MDGA2: variants seen among roughly 807,000 people sequenced by gnomAD.
MDGA2 encodes the protein MAM domain containing glycosylphosphatidylinositol anchor 2.
MDGA2 carries 40 observed loss-of-function variants against 117.8 expected under a neutral mutation model. The ratio of observed to expected loss-of-function variants is 0.34; its 90% CI spans 0.26 to 0.44. MDGA2 has a LOEUF of 0.44. Among genes scored for constraint, MDGA2 ranks in the 20% least tolerant of loss-of-function variants. The pLI, the probability that MDGA2 is intolerant of heterozygous loss-of-function variation, is 1.00. For synonymous variants in MDGA2, 452 were observed against 439.0 expected (o/e 1.03, Z -0.37); for missense variants, 1,123 against 1,250.6 (o/e 0.90, Z 1.54).
At chr14:47,202,188 A>T (rs1448821478) in intron 3 of MDGA2, among the ~76,000 whole-genome samples, 2 of 152,146 alleles carry the variant, frequency 1.3e-5, no homozygotes, top group African/African-American at 4.8e-5. Flanking sequence ...AATGGGCTTA[A>T]CACTTTTGGG....
intron 1 of MDGA2, among the ~76,000 whole-genome samples, chr14:47,521,488 C>A (rs74048020): frequency 0.038 from 5,763 of 152,096 alleles, 366 homozygotes; most frequent in African/African-American, 0.13. Context: ...AGTAATTAGG[C>A]TCATTTTATG....
intron 1 of MDGA2, among the ~76,000 whole-genome samples, chr14:47,573,757 A>G (rs1896063636): frequency 6.6e-6 from 1 of 152,190 alleles, no homozygotes; most frequent in African/African-American, 2.4e-5. Flanking sequence ...CTAAAAGCAT[A>G]TGAAGAGCTG....
intron 1 of MDGA2, among the ~76,000 whole-genome samples, chr14:47,593,024 C>A (rs1594934105): frequency 6.8e-6 from 1 of 147,200 alleles, no homozygotes; most frequent in Admixed American, 6.7e-5. Context: ...CTACAAGGAA[C>A]TCAAACAAAT....
rs1253745845 is a variant in MDGA2, at chr14:47,588,525, A to G, written c.280+85992T>C. ...CCATATGCCTATTAACAATCTGTGT[A>G]TCTTCCTTGAAGAAGATAGTCAAAT... On this transcript the variant is annotated intron_variant, in intron 1 of 16. Coordinates refer to ENST00000399232, the MANE Select transcript of MDGA2 (RefSeq NM_001113498.3). 4.6e-5 allele frequency among the ~76,000 whole-genome samples: 7 copies of G among 151,970 alleles called. No homozygotes were observed. In the East Asian group the frequency reaches 1.2e-3, roughly 25 times the overall value.
intron 8 of MDGA2, among the ~76,000 whole-genome samples, chr14:46,976,863 T>A (rs140134030): frequency 2.6e-5 from 4 of 151,964 alleles, no homozygotes; most frequent in Non-Finnish European, 5.9e-5. Context: ...TCTCAAATTA[T>A]ATGCACCATT....
chr14:47,438,266 A>G (rs1472381508), intron 1 of MDGA2, among the ~76,000 whole-genome samples: 1 of 152,162 alleles, frequency 6.6e-6, no homozygotes, highest in African/African-American at 2.4e-5. Context: ...CTTCAATACA[A>G]GAGTAAGGTA....
intron 3 of MDGA2, among the ~76,000 whole-genome samples, chr14:47,146,575 G>T (rs1222417998): frequency 6.6e-6 from 1 of 152,038 alleles, no homozygotes; most frequent in East Asian, 1.9e-4. Flanking sequence ...TTGATTAATT[G>T]AATTTAGCCT....
chr14:46,939,085 A>G (rs182515376), intron 9 of MDGA2, among the ~76,000 whole-genome samples: 25 of 152,306 alleles, frequency 1.6e-4, no homozygotes, highest in Admixed American at 2.0e-4. Context: ...TGTAAAGGGT[A>G]GAACAGAGGT....
intron 14 of MDGA2, among the ~76,000 whole-genome samples, chr14:46,869,337 T>C (rs1004471845): frequency 6.7e-6 from 1 of 148,648 alleles, no homozygotes; most frequent in Admixed American, 6.7e-5. Context: ...TATCTAGTGA[T>C]CTCCTATGAG....
intron 2 of MDGA2, among the ~76,000 whole-genome samples, chr14:47,279,927 G>C (rs1283046821): frequency 6.6e-6 from 1 of 152,024 alleles, no homozygotes; most frequent in African/African-American, 2.4e-5. Flanking sequence ...CTGGAGTGCA[G>C]TGGCACAATC....
At chr14:47,093,211 T>G (rs1423836355) in intron 6 of MDGA2, among the ~76,000 whole-genome samples, 2 of 152,030 alleles carry the variant, frequency 1.3e-5, no homozygotes, top group Admixed American at 1.3e-4. Flanking sequence ...TTGCATTAAA[T>G]CAGGTTTAGA....
chr14:47,228,023 C>T (rs763975688), intron 2 of MDGA2, among the ~76,000 whole-genome samples: 3 of 152,108 alleles, frequency 2.0e-5, no homozygotes, highest in Non-Finnish European at 4.4e-5. Flanking sequence ...CTTGATCTCC[C>T]CTCCAAACCA....
At position 47,675,003 on chromosome 14, in the gene MDGA2, CGGCGCGCTGGGCCGGCGGCG is replaced by C; in HGVS notation, c.-227_-208del. On this transcript the variant is annotated 5_prime_UTR_variant, in exon 1 of 17. Coordinates refer to ENST00000399232, the MANE Select transcript of MDGA2 (RefSeq NM_001113498.3). The stretch of plus-strand genomic sequence containing the variant: ...GTCTCCGCAGCTGCGGCGGCGGCGG[CGGCGCGCTGGGCCGGCGGCG>C]GGCGCGGGCAGGGGGCCGGGGGTGC... The C allele has an allele frequency of 3.2e-6, 1 of 314,228 alleles. No homozygotes were observed. Among genetic ancestry groups the C allele is most frequent in the Non-Finnish European group, 5.8e-6 (1 of 173,544 alleles). The allele number at this position is 314,228 out of a possible 1,614,324, so 19.5% of individuals were successfully genotyped here.
At chr14:47,558,394 A>G (rs1308770670) in intron 1 of MDGA2, among the ~76,000 whole-genome samples, 3 of 152,204 alleles carry the variant, frequency 2.0e-5, no homozygotes, top group Non-Finnish European at 4.4e-5. Context: ...TATTTTCAAT[A>G]TAAAAGTAAT....
intron 1 of MDGA2, among the ~76,000 whole-genome samples, chr14:47,485,262 G>T (rs1011252855): frequency 6.6e-6 from 1 of 152,146 alleles, no homozygotes; most frequent in African/African-American, 2.4e-5. Flanking sequence ...GGTGACTCTT[G>T]TTATGTTTTA....
intron 1 of MDGA2, among the ~76,000 whole-genome samples, chr14:47,415,929 G>A (rs938373227): frequency 3.9e-5 from 6 of 152,112 alleles, no homozygotes; most frequent in Non-Finnish European, 8.8e-5. Context: ...TCTGTTAAAG[G>A]GCAATCTGTA....
chr14:47,380,667 T>G (rs944635747), intron 1 of MDGA2, among the ~76,000 whole-genome samples: 31 of 151,952 alleles, frequency 2.0e-4, no homozygotes, highest in African/African-American at 7.5e-4. Flanking sequence ...CCAGGAAGAA[T>G]CTGAATCCCT....
intron 1 of MDGA2, among the ~76,000 whole-genome samples, chr14:47,363,269 A>AT (rs1373160234): frequency 1.3e-5 from 2 of 151,564 alleles, no homozygotes; most frequent in Non-Finnish European, 2.9e-5. Flanking sequence ...TTTTATTTTT[A>AT]TTTTTTGAGA....
chr14:47,670,604 G>A (rs930919731), intron 1 of MDGA2, among the ~76,000 whole-genome samples: 1 of 152,022 alleles, frequency 6.6e-6, no homozygotes, highest in African/African-American at 2.4e-5. Context: ...TTAGCTCTAG[G>A]TACTTCAATA....
Sources: gnomAD v4.1 joint callset for allele counts (sites outside exome capture counted in the v4.1 genomes callset) on GRCh38, gnomAD v4.1.1 for gene constraint, MANE v1.5 for transcripts, NCBI Gene and HGNC (gene_info 2026-07-23, HGNC 2026-07-21) for gene names.